Variants in CCNB1IP1 observed in about 807,000 individuals in gnomAD.
CCNB1IP1 encodes cyclin B1 interacting protein 1.
A neutral mutation model predicts 25.6 loss-of-function variants in CCNB1IP1; 14 were observed. The observed-to-expected ratio is 0.55, with a 90% confidence interval of 0.36 to 0.85. The LOEUF (loss-of-function observed/expected upper bound fraction) is 0.85. Ranked by LOEUF, CCNB1IP1 falls within the 40% of genes least tolerant of loss-of-function variation. The pLI, the probability that CCNB1IP1 is intolerant of heterozygous loss-of-function variation, is 0.01. For missense variants in CCNB1IP1, 278 were observed against 342.4 expected, an observed-to-expected ratio of 0.81 and a Z score of 1.48; for synonymous variants, 119 against 116.1, an observed-to-expected ratio of 1.02 and a Z score of -0.16.
In CCNB1IP1 at chr14:20,329,199, C is replaced by T. The variant is rs1005716490; in HGVS notation, c.-256G>A. 1 of 152,200 alleles carries T rather than the reference C, an allele frequency of 6.6e-6. No individual in the cohort carries two copies. The highest frequency in any genetic ancestry group is 1.5e-5 in the Non-Finnish European group (1 of 68,028). The allele number at this position is 152,200 out of a possible 1,614,324, so 9.4% of individuals were successfully genotyped here. On this transcript the variant is annotated 5_prime_UTR_variant, in exon 2 of 7. Transcript: ENST00000358932. ...GTGTAATGAAGAGAACTTAAGGCAG[C>T]TTATCTTGATCAAAATTCAAGTACC...
In CCNB1IP1 at chr14:20,311,827, A is replaced by AAT. The variant is rs1355695524; in HGVS notation, c.632-77_632-76dup. 165 of 835,182 alleles carry AAT rather than the reference A, an allele frequency of 2.0e-4. 1 individual carries two copies. Among genetic ancestry groups the AAT allele is most frequent in the Middle Eastern group, 3.2e-4 (1 of 3,092 alleles). The allele number at this position is 835,182 out of a possible 1,614,324, so 51.7% of individuals were successfully genotyped here. On this transcript the variant is annotated intron_variant, in intron 6 of 6. Transcript: ENST00000358932. ...ATAATCTACTTCAGAGGAATCATCA[A>AAT]ATATATATATATGAATATATATTTT...
At position 20,329,299 on chromosome 14, in the gene CCNB1IP1, G is replaced by T. The variant is rs1883167922; in HGVS notation, c.-356C>A. 1 of 152,158 alleles carries T rather than the reference G, an allele frequency of 6.6e-6. No homozygotes were observed. Among genetic ancestry groups the T allele is most frequent in the African/African-American group, 2.4e-5 (1 of 41,422 alleles). 9.4% of individuals were successfully genotyped at this position (152,158 alleles called of 1,614,324 possible). ...ATCCAAGCCCATATGATTTTCAGGG[G>T]GTCTACAGATGGGCCAGTTCTGGAC... On this transcript the variant is annotated 5_prime_UTR_variant, in exon 2 of 7. Transcript: ENST00000358932.
intron 1 of CCNB1IP1, among the ~76,000 whole-genome samples, chr14:20,332,108 C>A (rs1398973095): frequency 7.1e-6 from 1 of 140,538 alleles, no homozygotes; most frequent in East Asian, 2.1e-4. Context: ...GATCTCGGCT[C>A]ACCGCAACCT....
At chr14:20,312,245 G>C (rs887908193) in intron 6 of CCNB1IP1, among the ~76,000 whole-genome samples, 1 of 152,152 alleles carries the variant, frequency 6.6e-6, no homozygotes, top group African/African-American at 2.4e-5. Context: ...AAAAAAATAA[G>C]TATATCTATA....
chr14:20,318,653 T>C (rs1882795351), intron 4 of CCNB1IP1, among the ~76,000 whole-genome samples: 1 of 152,202 alleles, frequency 6.6e-6, no homozygotes, highest in African/African-American at 2.4e-5. Context: ...CCATAGCAGC[T>C]GCTTTAGGTA....
intron 2 of CCNB1IP1, among the ~76,000 whole-genome samples, chr14:20,327,443 G>T (rs1883110283): frequency 6.6e-6 from 1 of 151,180 alleles, no homozygotes; most frequent in Non-Finnish European, 1.5e-5. Flanking sequence ...AGTAACATTT[G>T]TAACCCAAGT....
chr14:20,323,298 G>C (rs1882955292), intron 4 of CCNB1IP1: 1 of 152,042 alleles, frequency 6.6e-6, no homozygotes, highest in Non-Finnish European at 1.5e-5. Flanking sequence ...ACTGCCTAAG[G>C]CTTCAAGCAG....
At chr14:20,312,803 C>T (rs546621137) in intron 6 of CCNB1IP1, among the ~76,000 whole-genome samples, 5 of 151,440 alleles carry the variant, frequency 3.3e-5, no homozygotes, top group Non-Finnish European at 7.4e-5. Context: ...ATTTGGATAA[C>T]CTTTATATCC....
chr14:20,320,373 T>C, intron 4 of CCNB1IP1: 3 of 455,506 alleles, frequency 6.6e-6, no homozygotes, highest in Non-Finnish European at 1.3e-5. Flanking sequence ...GATGGAGTGG[T>C]AGTCTAGTCT....
At chr14:20,315,578 A>G in intron 5 of CCNB1IP1, 3 of 1,278,848 alleles carry the variant, frequency 2.3e-6, no homozygotes, top group Non-Finnish European at 3.0e-6. Flanking sequence ...ATTCAAGGAC[A>G]TGCTTAAAGT....
chr14:20,324,785 C>CAT (rs776538466), intron 4 of CCNB1IP1, among the ~76,000 whole-genome samples: 14 of 152,066 alleles, frequency 9.2e-5, no homozygotes, highest in Non-Finnish European at 1.8e-4. Context: ...CTCCAGAACC[C>CAT]ATATATATAC....
intron 4 of CCNB1IP1, among the ~76,000 whole-genome samples, chr14:20,324,125 G>A (rs1006154045): frequency 6.6e-5 from 10 of 152,200 alleles, no homozygotes; most frequent in East Asian, 5.8e-4. Context: ...TTTGAGGGGC[G>A]GGGTGAAGGT....
intron 4 of CCNB1IP1, among the ~76,000 whole-genome samples, chr14:20,320,052 G>T (rs1055784124): frequency 2.0e-5 from 3 of 152,174 alleles, no homozygotes; most frequent in Admixed American, 6.5e-5. Context: ...CCTCATCTGT[G>T]ATTTGCCTGT....
At chr14:20,323,787 G>A (rs1463577962) in intron 4 of CCNB1IP1, among the ~76,000 whole-genome samples, 42 of 151,742 alleles carry the variant, frequency 2.8e-4, no homozygotes, top group African/African-American at 9.7e-4. Flanking sequence ...GCGTGGTGGC[G>A]GGCGCCTGTA....
intron 2 of CCNB1IP1, 74 bp from the exon 3 acceptor site, chr14:20,326,867 T>A: frequency 5.5e-6 from 1 of 181,886 alleles, no homozygotes; most frequent in East Asian, 1.4e-4. Flanking sequence ...GCATGTTCTA[T>A]ACCAAGTCAC....
chr14:20,325,998 A>G (rs1372778405), intron 3 of CCNB1IP1, among the ~76,000 whole-genome samples: 1 of 152,186 alleles, frequency 6.6e-6, no homozygotes, highest in East Asian at 1.9e-4. Flanking sequence ...ATTGCTCTAT[A>G]TAATCTGTTT....
rs191052473 is a variant in CCNB1IP1 at position 20,326,358 on chromosome 14, T to C, written c.-153+358A>G. 17 of 391,070 alleles carry C rather than the reference T, an allele frequency of 4.3e-5. No homozygotes were observed. In the East Asian group the frequency reaches 1.1e-3, roughly 25 times the overall value. 24.2% of individuals were successfully genotyped at this position (391,070 alleles called of 1,614,324 possible). On this transcript the variant is annotated intron_variant, in intron 3 of 6. Transcript: ENST00000358932. ...ACATTAGTCTCAAATTCATAATTTA[T>C]TAAGATTTAAGAATTACCTGGGATT...
In CCNB1IP1 at chr14:20,316,301, T is replaced by C. The variant is rs756684178; in HGVS notation, c.223A>G (p.Met75Val). The change falls in exon 5 of 7, where the codon ATG (methionine) becomes GTG (valine). Residue 75 changes from methionine to valine, a missense_variant. Coordinates refer to ENST00000358932, the MANE Select transcript of CCNB1IP1 (RefSeq NM_021178.5). ...TCTGGTCGCAGTCCTGCCAATACCA[T>C]AGCTTTATATTCCTCTGATGGACTG... ...ELSPSEEYKAMVLAGLRPEIV... is the reference protein window; with the variant it reads ...ELSPSEEYKAVVLAGLRPEIV... The C allele has an allele frequency of 3.0e-5, 49 of 1,613,846 alleles. No homozygotes were observed. The highest frequency in any genetic ancestry group is 4.1e-5 in the Non-Finnish European group (48 of 1,179,868).
At chr14:20,331,980 A>AATATAT (rs71313494) in intron 1 of CCNB1IP1, among the ~76,000 whole-genome samples, 1 of 121,180 alleles carries the variant, frequency 8.3e-6, no homozygotes, top group Non-Finnish European at 1.7e-5. Context: ...CCTATTCAAA[A>AATATAT]ATATATATAT....
Sources: gnomAD v4.1 joint callset for allele counts (sites outside exome capture counted in the v4.1 genomes callset) on GRCh38, gnomAD v4.1.1 for gene constraint, MANE v1.5 for transcripts, NCBI Gene and HGNC (gene_info 2026-07-23, HGNC 2026-07-21) for gene names.